UNC13A: variants seen among roughly 807,000 people sequenced by gnomAD.
The protein encoded by UNC13A is protein unc-13 homolog A.
UNC13A carries 61 observed loss-of-function variants against 219.7 expected under a neutral mutation model. The observed-to-expected ratio is 0.28, with a 90% CI of 0.23 to 0.34. The LOEUF (loss-of-function observed/expected upper bound fraction) is 0.34, where lower values mean the gene tolerates loss of function less well. UNC13A is among the 10% of genes least tolerant of loss of function. UNC13A has a pLI of 1.00. For missense variants in UNC13A, 1,476 were observed against 2,270.3 expected (o/e 0.65, Z 7.11); for synonymous variants, 920 against 884.6 (o/e 1.04, Z -0.71).
chr19:17,625,001 AC>A (rs1191825249), intron 34 of UNC13A, 49 bp from the exon 35 acceptor site: 9 of 1,591,182 alleles, frequency 5.7e-6, no homozygotes, highest in African/African-American at 4.0e-5. Flanking sequence ...GCCCCCACCC[AC>A]AGATCACCTT....
intron 38 of UNC13A, among the ~76,000 whole-genome samples, chr19:17,620,054 A>G (rs776182554): frequency 2.0e-5 from 3 of 152,254 alleles, no homozygotes; most frequent in African/African-American, 7.2e-5. Flanking sequence ...ACGGGGTCCC[A>G]GCCTGGAAGG....
intron 21 of UNC13A, among the ~76,000 whole-genome samples, chr19:17,641,191 T>C (rs564098860): frequency 6.4e-4 from 97 of 152,232 alleles, no homozygotes; most frequent in African/African-American, 2.2e-3. Flanking sequence ...CTATCTCTGC[T>C]TCTAAGTCTT....
chr19:17,615,739 C>T (rs2076655772), intron 41 of UNC13A, among the ~76,000 whole-genome samples: 1 of 152,180 alleles, frequency 6.6e-6, no homozygotes, highest in South Asian at 2.1e-4. Flanking sequence ...GCACAAGGTC[C>T]TGCTCAGCCT....
At chr19:17,641,912 C>T (rs2076974484) in intron 20 of UNC13A, among the ~76,000 whole-genome samples, 1 of 152,100 alleles carries the variant, frequency 6.6e-6, no homozygotes, top group South Asian at 2.1e-4. Context: ...ACCAGCCACT[C>T]ACAACCATCC....
At chr19:17,606,821 C>T (rs1481586598) in intron 43 of UNC13A, among the ~76,000 whole-genome samples, 2 of 151,670 alleles carry the variant, frequency 1.3e-5, no homozygotes, top group Admixed American at 1.3e-4. Flanking sequence ...CCCAGCCCAC[C>T]CCTCTTACTT....
At chr19:17,608,200 CA>C (rs2076555265) in intron 43 of UNC13A, among the ~76,000 whole-genome samples, 1 of 146,000 alleles carries the variant, frequency 6.8e-6, no homozygotes, top group African/African-American at 2.5e-5. Context: ...GCGCCCACCA[CA>C]ACACACAGCT....
chr19:17,649,486 G>A lies in UNC13A; in HGVS notation c.1518+23C>T, dbSNP rs369659030. 3.1e-6 allele frequency: 5 copies of A among 1,613,918 alleles called. No individual in the cohort carries two copies. The Admixed American group carries it at 8.3e-5, about 27-fold the overall frequency. On this transcript the variant is annotated intron_variant, in intron 13 of 43. Coordinates refer to ENST00000519716, the MANE Select transcript of UNC13A (RefSeq NM_001080421.3). The surrounding 1 kb of genome is among the most constrained non-coding windows in gnomAD (Gnocchi z 4.4). ...TTATAGCAGGCCTGCTCTGCTCAGG[G>A]AGTAAAGGGCGAGGGTGCTTACCAA...
At position 17,636,094 on chromosome 19, in the gene UNC13A, A is replaced by C. The variant is rs750254814; in HGVS notation, c.3145T>G (p.Ser1049Ala). 62 of 1,610,916 alleles carry C rather than the reference A, an allele frequency of 3.8e-5. 2 individuals are homozygous for C. In the South Asian group the frequency reaches 6.6e-4, roughly 17 times the overall value. Residue 1049 changes from serine (S) to alanine (A), a missense_variant, in exon 26 of 44, where the codon TCC becomes GCC. Around this residue, in one of 14 missense-constraint regions of UNC13A, gnomAD observed 218 missense variants for 409.4 expected, o/e 0.53. Transcript: ENST00000519716. ...GACACTATGAGGGTAATCAGCTTGGACCAGAAGTCGAGGTTCTTGATGCTG... is the reference window on the plus strand; with the variant it reads ...GACACTATGAGGGTAATCAGCTTGGCCCAGAAGTCGAGGTTCTTGATGCTG... ...GPSIKNLDFW[S>A]KLITLIVSII...
rs138030411 is a variant in UNC13A, at chr19:17,648,882, G to A, written c.1596+30C>T. On this transcript the variant is annotated intron_variant, in intron 15 of 43. Transcript: ENST00000519716. The stretch of plus-strand genomic sequence containing the variant: ...GAAGCTCCTAGCCCAGTCCATCCCT[G>A]ACCCGGGGAAAAAGAGGTGCCCCAC... 198 of 1,567,754 alleles carry A rather than the reference G, an allele frequency of 1.3e-4. 1 individual carries two copies. The African/African-American group carries it at 2.2e-3, about 17-fold the overall frequency.
intron 1 of UNC13A, among the ~76,000 whole-genome samples, chr19:17,680,879 C>CTTTTTTTTTTTTTTTTTTT (rs2079996579): frequency 1.2e-5 from 1 of 80,190 alleles, no homozygotes. Context: ...CTTTTTTTTT[C>CTTTTTTTTTTTTTTTTTTT]TTTTCTTTTC....
rs865872116 is a variant in UNC13A, at chr19:17,639,897, G to A, written c.2799C>T (p.Phe933=). Reference sequence around the variant, plus strand: ...TATGCAGCTGGTCCAGGAGTTTCACGAAGCGCTCTTTCTGAGGAGGAAGGG... The same window carrying A: ...TATGCAGCTGGTCCAGGAGTTTCACAAAGCGCTCTTTCTGAGGAGGAAGGG... ...FAASNFGKER[F]VKLLDQLHNS... Residue 933 remains phenylalanine (F), a synonymous_variant, in exon 23 of 44, where the codon TTC becomes TTT. Transcript: ENST00000519716. 1.1e-5 allele frequency: 17 copies of A among 1,613,724 alleles called. No individual in the cohort carries two copies. The highest frequency in any genetic ancestry group is 2.2e-5 in the East Asian group (1 of 44,884).
chr19:17,686,725 G>A (rs1234189922), intron 1 of UNC13A, among the ~76,000 whole-genome samples: 3 of 151,906 alleles, frequency 2.0e-5, no homozygotes, highest in Admixed American at 2.0e-4. Context: ...GAACACCCGC[G>A]TCCACGCCGG....
At position 17,605,913 on chromosome 19, in the gene UNC13A, C is replaced by T; in HGVS notation, c.*141G>A. 1.3e-6 allele frequency: 1 copy of T among 779,366 alleles called. No individual in the cohort carries two copies. Among genetic ancestry groups the T allele is most frequent in the Non-Finnish European group, 1.8e-6 (1 of 546,986 alleles). The allele number at this position is 779,366 out of a possible 1,614,324, so 48.3% of individuals were successfully genotyped here. On this transcript the variant is annotated 3_prime_UTR_variant, in exon 44 of 44. Coordinates refer to ENST00000519716, the MANE Select transcript of UNC13A (RefSeq NM_001080421.3). ...AATTCCCCAAAAGGGAAAGCTGAGTCAAGGGCGTAGGCGCAGCCCACCCTT... is the reference window on the plus strand; with the variant it reads ...AATTCCCCAAAAGGGAAAGCTGAGTTAAGGGCGTAGGCGCAGCCCACCCTT...
At chr19:17,681,273 G>A (rs894175868) in intron 1 of UNC13A, among the ~76,000 whole-genome samples, 6 of 152,010 alleles carry the variant, frequency 3.9e-5, no homozygotes, top group Admixed American at 3.9e-4. Context: ...ATGGGGTGGG[G>A]AGACAGGAGG....
rs1389773942 is a variant in UNC13A, at chr19:17,659,842, GA to G, written c.560-1574del. Among the ~76,000 whole-genome samples the G allele has an allele frequency of 2.0e-5, 3 of 152,200 alleles. No homozygotes were observed. The East Asian group carries it at 5.8e-4, about 29-fold the overall frequency. On this transcript the variant is annotated intron_variant, in intron 8 of 43. Transcript: ENST00000519716. ...TAAGGGGAAGAGGATGTAAAAAAAT[GA>G]AAAAACCCCCAGACCCCAAAATCTC...
At position 17,668,104 on chromosome 19, in the gene UNC13A, C is replaced by T. The variant is rs1480822802; in HGVS notation, c.468+13G>A. 6.2e-6 allele frequency: 10 copies of T among 1,613,078 alleles called. No individual in the cohort carries two copies. Among genetic ancestry groups the T allele is most frequent in the African/African-American group, 1.3e-5 (1 of 74,888 alleles). ...ACAAGGAAGAAACAGTCCCCTCCCACCCCAACACTCACTTCATCCTGGTCC... is the reference window on the plus strand; with the variant it reads ...ACAAGGAAGAAACAGTCCCCTCCCATCCCAACACTCACTTCATCCTGGTCC... On this transcript the variant is annotated intron_variant, in intron 6 of 43. Transcript: ENST00000519716.
chr19:17,651,139 A>G (rs1355311976), intron 12 of UNC13A, among the ~76,000 whole-genome samples: 2 of 151,486 alleles, frequency 1.3e-5, no homozygotes, highest in Non-Finnish European at 2.9e-5. Flanking sequence ...GGGTTTCACC[A>G]TGTTGACCAG....
chr19:17,610,787 G>T (rs1428023820), intron 42 of UNC13A, among the ~76,000 whole-genome samples: 1 of 152,136 alleles, frequency 6.6e-6, no homozygotes, highest in Non-Finnish European at 1.5e-5. Flanking sequence ...CCAGCACTTT[G>T]GGAGGCCCAG....
intron 4 of UNC13A, among the ~76,000 whole-genome samples, 172 bp from the exon 5 acceptor site, chr19:17,669,848 C>G (rs1281069998): frequency 3.3e-5 from 5 of 150,322 alleles, no homozygotes; most frequent in Non-Finnish European, 7.4e-5. Flanking sequence ...TTCCCTCCCT[C>G]CCTCCCTGCT....
Sources: gnomAD v4.1 joint callset for allele counts (sites outside exome capture counted in the v4.1 genomes callset) on GRCh38, gnomAD v4.1.1 for gene constraint, gnomAD v4.1.1 regional missense constraint, Gnocchi (gnomAD v3.1) non-coding constraint, MANE v1.5 for transcripts, NCBI Gene and HGNC (gene_info 2026-07-23, HGNC 2026-07-21) for gene names.